SCRG1: variants seen among roughly 807,000 people sequenced by gnomAD.
SCRG1 encodes stimulator of chondrogenesis 1.
In SCRG1, 3 loss-of-function variants were observed where a neutral mutation model predicts 7.7. The ratio of observed to expected loss-of-function variants is 0.39; its 90% CI spans 0.18 to 1.01. The LOEUF (loss-of-function observed/expected upper bound fraction) is 1.01. Ranked by LOEUF, SCRG1 falls within the 50% of genes least tolerant of loss-of-function variation. The probability of loss-of-function intolerance (pLI) is 0.36; values close to 1 mark genes in which losing one functional copy is unlikely to be tolerated. For missense variants in SCRG1, 110 were observed against 117.2 expected (o/e 0.94, Z 0.28); for synonymous variants, 46 against 41.2 (o/e 1.12, Z -0.44).
the SCRG1 span, among the ~76,000 whole-genome samples, chr4:173,443,649 C>A: frequency 2.6e-5 from 4 of 151,856 alleles, no homozygotes; most frequent in African/African-American, 9.7e-5. Context: ...CCAGGCTGGT[C>A]TTGAACTGAA....
chr4:173,485,084 T>C, the SCRG1 span, among the ~76,000 whole-genome samples: 3 of 7,392 alleles, frequency 4.1e-4, 1 homozygote, highest in Admixed American at 3.6e-3. Context: ...TATTATATAA[T>C]ATATTATATA....
chr4:173,391,578 GTAGTTT>G, intron 1 of SCRG1, 150 bp from the exon 2 acceptor site: 1 of 773,576 alleles, frequency 1.3e-6, no homozygotes, highest in South Asian at 1.8e-5. Flanking sequence ...TTCTCAAAGT[GTAGTTT>G]TATGACCATC....
At chr4:173,461,346 G>T in the SCRG1 span, among the ~76,000 whole-genome samples, 1 of 152,216 alleles carries the variant, frequency 6.6e-6, no homozygotes, top group Non-Finnish European at 1.5e-5. Context: ...CCACCCCCCA[G>T]CTTTAGGTGG....
intron 1 of SCRG1, among the ~76,000 whole-genome samples, chr4:173,406,024 C>T (rs1371901497): frequency 1.3e-5 from 2 of 152,202 alleles, no homozygotes; most frequent in Non-Finnish European, 2.9e-5. Context: ...TGTAAATACA[C>T]ATATCTATGA....
At chr4:173,413,712 T>C in the SCRG1 span, among the ~76,000 whole-genome samples, 146,088 of 152,282 alleles carry the variant, frequency 0.96, 70,332 homozygotes, top group East Asian at 1. Flanking sequence ...TGTGAGTGGA[T>C]GTGTGGCAGC....
At chr4:173,492,568 G>T in the SCRG1 span, among the ~76,000 whole-genome samples, 1 of 152,216 alleles carries the variant, frequency 6.6e-6, no homozygotes, top group African/African-American at 2.4e-5. Context: ...GATCTGCCAA[G>T]ATCAGAGGGA....
At chr4:173,436,598 C>T in the SCRG1 span, among the ~76,000 whole-genome samples, 4 of 152,142 alleles carry the variant, frequency 2.6e-5, no homozygotes, top group Non-Finnish European at 5.9e-5. Flanking sequence ...GCAAAACAAT[C>T]GTTCTCTATG....
chr4:173,485,083 ATATATTATATATTATATAT>A, the SCRG1 span, among the ~76,000 whole-genome samples: 10 of 6,940 alleles, frequency 1.4e-3, 2 homozygotes, highest in South Asian at 7.4e-3. Context: ...ATATTATATA[ATATATTATATATTATATAT>A]TATATATTAT....
the SCRG1 span, among the ~76,000 whole-genome samples, chr4:173,504,326 G>T: frequency 1.3e-5 from 2 of 152,172 alleles, no homozygotes; most frequent in Non-Finnish European, 2.9e-5. The surrounding 1 kb of genome is among the most constrained non-coding windows in gnomAD (Gnocchi z 4.7). Context: ...TCCGGTAGCC[G>T]TATGGGGGAG....
the SCRG1 span, among the ~76,000 whole-genome samples, chr4:173,503,406 G>A: frequency 6.6e-6 from 1 of 152,150 alleles, no homozygotes; most frequent in Admixed American, 6.5e-5. This position sits in a 1 kb window ranked among gnomAD's most constrained non-coding sequence, Gnocchi z 6.4. Flanking sequence ...AGAGATTGCA[G>A]ATCAAAGCTA....
At chr4:173,415,526 T>G in the SCRG1 span, among the ~76,000 whole-genome samples, 4 of 152,254 alleles carry the variant, frequency 2.6e-5, no homozygotes, top group African/African-American at 9.6e-5. Context: ...ATGCTGAATT[T>G]GTCTGACAGA....
chr4:173,479,435 G>GTTTTTTTTTTTTT, the SCRG1 span, among the ~76,000 whole-genome samples: 1 of 125,928 alleles, frequency 7.9e-6, no homozygotes, highest in Admixed American at 8.2e-5. Context: ...TTGTTTGTTT[G>GTTTTTTTTTTTTT]TTTTTTTGTT....
chr4:173,506,685 A>G, the SCRG1 span, among the ~76,000 whole-genome samples: 1 of 152,148 alleles, frequency 6.6e-6, no homozygotes, highest in East Asian at 1.9e-4. The surrounding 1 kb of genome is among the most constrained non-coding windows in gnomAD (Gnocchi z 5.3). Flanking sequence ...TGGAGGAGCG[A>G]CGGAGGACCA....
At chr4:173,505,594 T>G in the SCRG1 span, among the ~76,000 whole-genome samples, 6 of 152,122 alleles carry the variant, frequency 3.9e-5, 1 homozygote, top group Middle Eastern at 9.5e-3. This position sits in a 1 kb window ranked among gnomAD's most constrained non-coding sequence, Gnocchi z 4.4. Flanking sequence ...CAAACCACAA[T>G]TGCCTCCTGC....
chr4:173,388,258 T>C lies in SCRG1; in HGVS notation c.*83A>G, dbSNP rs1278282072. The C allele has an allele frequency of 4.3e-6, 4 of 930,966 alleles. No individual in the cohort carries two copies. The highest frequency in any genetic ancestry group is 5.1e-6 in the Non-Finnish European group (3 of 590,388). The allele number at this position is 930,966 out of a possible 1,614,324, so 57.7% of individuals were successfully genotyped here. A position where few individuals can be genotyped will look rare whatever the true frequency, so the allele number is the denominator to read the frequency against. The stretch of plus-strand genomic sequence containing the variant: ...AGAATCTATGCTCTATTGCACTATA[T>C]AGAAACTAGAAATGCAGTTATACTG... On this transcript the variant is annotated 3_prime_UTR_variant, in exon 3 of 3. Coordinates refer to ENST00000296506, the MANE Select transcript of SCRG1 (RefSeq NM_007281.4).
At chr4:173,461,889 C>G in the SCRG1 span, among the ~76,000 whole-genome samples, 1 of 151,456 alleles carries the variant, frequency 6.6e-6, no homozygotes, top group Non-Finnish European at 1.5e-5. Flanking sequence ...AAAAAAGAAT[C>G]AAGCAGAAAT....
At chr4:173,477,215 C>T in the SCRG1 span, among the ~76,000 whole-genome samples, 1 of 152,090 alleles carries the variant, frequency 6.6e-6, no homozygotes, top group Non-Finnish European at 1.5e-5. Context: ...TGTCTCATAT[C>T]TTACTGCAAC....
At chr4:173,404,130 A>G (rs1450852486) in exon 3 of SCRG1, 1 of 152,256 alleles carries the variant, frequency 6.6e-6, no homozygotes, top group Non-Finnish European at 1.5e-5. Flanking sequence ...CACTTGGCCA[A>G]GATCACACAG....
At chr4:173,518,397 T>A in the SCRG1 span, among the ~76,000 whole-genome samples, 3 of 152,308 alleles carry the variant, frequency 2.0e-5, no homozygotes, top group African/African-American at 7.2e-5. Context: ...CTTATTTTTT[T>A]AAAATAAAGG....
Sources: allele counts gnomAD v4.1 joint callset (sites outside exome capture counted in the v4.1 genomes callset), GRCh38; gene constraint gnomAD v4.1.1; non-coding constraint Gnocchi (gnomAD v3.1); transcripts MANE v1.5; gene names NCBI Gene and HGNC (gene_info 2026-07-23, HGNC 2026-07-21).